Variants in YIPF3 observed in about 807,000 individuals in gnomAD.
YIPF3 encodes the protein protein YIPF3.
In YIPF3, 18 loss-of-function variants were observed where a neutral mutation model predicts 40.3. The ratio of observed to expected loss-of-function variants is 0.45; its 90% CI spans 0.31 to 0.66. The LOEUF (loss-of-function observed/expected upper bound fraction) is 0.66. YIPF3 is among the 30% of genes least tolerant of loss of function. The probability of loss-of-function intolerance (pLI) is 0.07; values close to 1 mark genes in which losing one functional copy is unlikely to be tolerated. For synonymous variants in YIPF3, 190 were observed against 179.6 expected (o/e 1.06, Z -0.46); for missense variants, 406 against 452.2 (o/e 0.90, Z 0.93).
chr6:43,514,122 T>C (rs1792726755), intron 3 of YIPF3, among the ~76,000 whole-genome samples: 1 of 152,150 alleles, frequency 6.6e-6, no homozygotes, highest in South Asian at 2.1e-4. Context: ...GCGCCTGTAG[T>C]CCCAGCTACT....
At chr6:43,515,344 A>C in intron 3 of YIPF3, 1 of 583,806 alleles carries the variant, frequency 1.7e-6, no homozygotes, top group Non-Finnish European at 3.2e-6. Context: ...TGGGGATGGG[A>C]TTGAGGAATG....
chr6:43,515,240 C>T (rs944580327), intron 3 of YIPF3: 21 of 461,828 alleles, frequency 4.5e-5, no homozygotes, highest in African/African-American at 4.0e-4. Flanking sequence ...GATCCGCCCG[C>T]CTCGGCCTCC....
chr6:43,512,306 T>C lies in YIPF3; in HGVS notation c.914A>G (p.Asp305Gly), dbSNP rs2127682881. The change falls in exon 9 of 9, where the codon GAC becomes GGC. Residue 305 changes from aspartate (D) to glycine (G), a missense_variant. Physicochemically the swap from Asp to Gly is moderately conservative, Grantham distance 94 (BLOSUM62 -1). Transcript: ENST00000372422. ...AYHKVVEGILDTLEGPNIPPI... is the reference protein window; with the variant it reads ...AYHKVVEGILGTLEGPNIPPI... ...CGGGATGTTGGGGCCCTCCAGTGTGTCCAGGATCCCTGGAAGGAAGATGGA... is the reference window on the plus strand; with the variant it reads ...CGGGATGTTGGGGCCCTCCAGTGTGCCCAGGATCCCTGGAAGGAAGATGGA... 6.2e-7 allele frequency: 1 copy of C among 1,610,492 alleles called. No homozygotes were observed. Among genetic ancestry groups the C allele is most frequent in the African/African-American group, 1.3e-5 (1 of 74,986 alleles).
At chr6:43,513,670 A>G (rs777803133) in intron 3 of YIPF3, 37 bp from the exon 4 acceptor site, 1 of 1,522,154 alleles carries the variant, frequency 6.6e-7, no homozygotes, top group Admixed American at 2.2e-5. Context: ...CAAAGGCAGC[A>G]CAAGGCCATG....
At position 43,511,860 on chromosome 6, in the gene YIPF3, C is replaced by T; in HGVS notation, c.*307G>A. ...CAGACTTCAATCAACATTTTAATTACCAAGTCTATATTTAGCAAGACAATG... is the reference window on the plus strand; with the variant it reads ...CAGACTTCAATCAACATTTTAATTATCAAGTCTATATTTAGCAAGACAATG... On this transcript the variant is annotated 3_prime_UTR_variant, in exon 9 of 9. Transcript: ENST00000372422. 1 of 351,806 alleles carries T rather than the reference C, an allele frequency of 2.8e-6. No homozygotes were observed. Among genetic ancestry groups the T allele is most frequent in the South Asian group, 3.8e-5 (1 of 26,052 alleles). 21.8% of individuals were successfully genotyped at this position (351,806 alleles called of 1,614,324 possible). A position where few individuals can be genotyped will look rare whatever the true frequency, so the allele number is the denominator to read the frequency against.
In YIPF3 at chr6:43,516,069, C is replaced by T. The variant is rs141113880; in HGVS notation, c.108G>A (p.Met36Ile). ...IQGGGSAVID[M>I]ENMDDTSGSS... ...AGCCTGAGGTATCATCCATGTTCTC[C>T]ATGTCAATCACAGCTGAGCCTCCGC... The change falls in exon 2 of 9, where the codon ATG becomes ATA. Residue 36 changes from methionine to isoleucine, a missense_variant. Coordinates refer to ENST00000372422, the MANE Select transcript of YIPF3 (RefSeq NM_015388.4). 95 of 1,614,138 alleles carry T rather than the reference C, an allele frequency of 5.9e-5. No individual in the cohort carries two copies. Among genetic ancestry groups the T allele is most frequent in the Non-Finnish European group, 7.9e-5 (93 of 1,180,052 alleles).
chr6:43,512,407 A>G, intron 8 of YIPF3, 33 bp downstream of exon 8: 1 of 1,614,016 alleles, frequency 6.2e-7, no homozygotes, highest in African/African-American at 1.3e-5. Flanking sequence ...CTGCTTTCCC[A>G]TTCTCCCCCA....
chr6:43,512,740 G>GAAGC (rs1194112091), intron 7 of YIPF3, 21 bp downstream of exon 7: 2 of 1,607,720 alleles, frequency 1.2e-6, no homozygotes, highest in South Asian at 2.2e-5. Context: ...CCCACCCCTG[G>GAAGC]AAGCCTCTTG....
intron 7 of YIPF3, 98 bp from the exon 8 acceptor site, chr6:43,512,661 C>T: frequency 1.3e-6 from 2 of 1,542,140 alleles, no homozygotes; most frequent in Non-Finnish European, 1.7e-6. Flanking sequence ...TGGGCTCTTC[C>T]CTCCCATTTA....
intron 3 of YIPF3, 95 bp from the exon 4 acceptor site, chr6:43,513,728 G>T (rs947688284): frequency 5.5e-6 from 7 of 1,263,534 alleles, no homozygotes; most frequent in Non-Finnish European, 7.6e-6. Context: ...TAACTCCAGG[G>T]AATGGGGCCT....
At chr6:43,515,157 AT>A in intron 3 of YIPF3, 36 of 387,792 alleles carry the variant, frequency 9.3e-5, no homozygotes, top group Middle Eastern at 6.7e-4. Context: ...CGCCTGTCTA[AT>A]TTTTTTTGCA....
chr6:43,516,389 C>A lies in YIPF3; in HGVS notation c.82-294G>T. The A allele has an allele frequency of 4.5e-6, 3 of 663,360 alleles. No homozygotes were observed. The South Asian group carries it at 6.4e-5, about 14-fold the overall frequency. 41.1% of individuals were successfully genotyped at this position (663,360 alleles called of 1,614,324 possible). A position where few individuals can be genotyped will look rare whatever the true frequency, so the allele number is the denominator to read the frequency against. Reference sequence around the variant, plus strand: ...GCCCATTTCCTTCTTTCCTAAGCCCCAAACAAAACTATACACATAGTATGT... The same window carrying A: ...GCCCATTTCCTTCTTTCCTAAGCCCAAAACAAAACTATACACATAGTATGT... On this transcript the variant is annotated intron_variant, in intron 1 of 8. Transcript: ENST00000372422.
intron 3 of YIPF3, 196 bp downstream of exon 3, chr6:43,515,399 G>A (rs1792778584): frequency 2.9e-6 from 2 of 679,794 alleles, no homozygotes; most frequent in Admixed American, 4.1e-5. Context: ...GAGGGAAGAT[G>A]AGTAGTCAGT....
chr6:43,514,984 G>A (rs1262814377), intron 3 of YIPF3, among the ~76,000 whole-genome samples: 3 of 151,908 alleles, frequency 2.0e-5, no homozygotes, highest in Non-Finnish European at 2.9e-5. Flanking sequence ...TTAGAGGCAA[G>A]CGCAGAGTTC....
At chr6:43,513,000 G>T in intron 6 of YIPF3, 69 bp downstream of exon 6, 1 of 1,602,480 alleles carries the variant, frequency 6.2e-7, no homozygotes, top group Non-Finnish European at 8.5e-7. Flanking sequence ...GGGGCCCCAG[G>T]ACAGATGCCG....
At chr6:43,516,249 C>A in intron 1 of YIPF3, 154 bp from the exon 2 acceptor site, 14 of 1,435,604 alleles carry the variant, frequency 9.8e-6, no homozygotes, top group Non-Finnish European at 1.2e-5. Flanking sequence ...CTCATATGCT[C>A]TCAGAACGCC....
chr6:43,513,231 G>A (rs1489052659), intron 5 of YIPF3, 31 bp from the exon 6 acceptor site: 1 of 1,613,860 alleles, frequency 6.2e-7, no homozygotes, highest in South Asian at 1.1e-5. Context: ...TTAGTCCTAG[G>A]AGGCCTCTGA....
chr6:43,516,107 A>G lies in YIPF3; in HGVS notation c.82-12T>C, dbSNP rs1445015457. ...GCTGAGCCTCCGCCCTGTGAAGACAATGGCTCCTAGAGTGCAGGACTTTTC... is the reference window on the plus strand; with the variant it reads ...GCTGAGCCTCCGCCCTGTGAAGACAGTGGCTCCTAGAGTGCAGGACTTTTC... On this transcript the variant is annotated splice_polypyrimidine_tract_variant and intron_variant, in intron 1 of 8. Transcript: ENST00000372422. The G allele has an allele frequency of 2.5e-6, 4 of 1,614,104 alleles. No homozygotes were observed. Among genetic ancestry groups the G allele is most frequent in the Non-Finnish European group, 3.4e-6 (4 of 1,179,998 alleles).
Position 43,512,541 on chromosome 6 carries a change from G to A in YIPF3, c.803C>T (p.Thr268Ile), listed in dbSNP as rs757465150. ...GAGCAGCCGCTGTGTGGGGCCCACG[G>A]TCCGAGACACCAACACTGCTACCTA... ...LRMVAVLVSR[T>I]VGPTQRLLLC... Residue 268 changes from threonine (T) to isoleucine (I), a missense_variant, in exon 8 of 9, where the codon ACC becomes ATC. Thr to Ile is a moderately conservative substitution (Grantham distance 89, BLOSUM62 -1). Coordinates refer to ENST00000372422, the MANE Select transcript of YIPF3 (RefSeq NM_015388.4). The A allele has an allele frequency of 1.2e-6, 2 of 1,612,002 alleles. No homozygotes were observed. The highest frequency in any genetic ancestry group is 1.7e-5 in the Admixed American group (1 of 59,904).
Sources: allele counts gnomAD v4.1 joint callset (sites outside exome capture counted in the v4.1 genomes callset), GRCh38; gene constraint gnomAD v4.1.1; transcripts MANE v1.5; gene names NCBI Gene and HGNC (gene_info 2026-07-23, HGNC 2026-07-21).